IL1RAPL2: variants seen among roughly 807,000 people sequenced by gnomAD.
IL1RAPL2 encodes interleukin 1 receptor accessory protein like 2.
A neutral mutation model predicts 44.1 loss-of-function variants in IL1RAPL2; 3 were observed. That is an observed-to-expected ratio of 0.07 (90% confidence interval 0.03 to 0.18). The LOEUF is 0.18. Among genes scored for constraint, IL1RAPL2 ranks in the 10% least tolerant of loss-of-function variants. The pLI is 1.00. For missense variants in IL1RAPL2, 391 were observed against 496.4 expected, an observed-to-expected ratio of 0.79 and a Z score of 2.02; for synonymous variants, 181 against 178.8, an observed-to-expected ratio of 1.01 and a Z score of -0.10.
intron 2 of IL1RAPL2, among the ~76,000 whole-genome samples, chrX:104,668,432 C>T (rs1009475587): frequency 3.9e-5 from 4 of 103,168 alleles, no homozygotes; most frequent in South Asian, 9.4e-4. Flanking sequence ...CCCATTAACT[C>T]GTCATTTAGC....
chrX:105,684,475 G>A (rs967417450), intron 6 of IL1RAPL2, among the ~76,000 whole-genome samples: 1 of 112,455 alleles, frequency 8.9e-6, no homozygotes, highest in African/African-American at 3.2e-5. Flanking sequence ...AGCCTGGCTC[G>A]GGGAGGGGCG....
intron 1 of IL1RAPL2, among the ~76,000 whole-genome samples, chrX:104,655,781 G>A (rs971137332): frequency 1.1e-4 from 12 of 111,547 alleles, no homozygotes; most frequent in East Asian, 2.8e-4. Context: ...GGTAGAATTT[G>A]GCTGTGAATC....
intron 1 of IL1RAPL2, among the ~76,000 whole-genome samples, chrX:104,598,194 G>A (rs1928805818): frequency 8.9e-6 from 1 of 111,990 alleles, no homozygotes; most frequent in Admixed American, 9.5e-5. Flanking sequence ...TCTTATGTCT[G>A]GAGTTTAGAC....
chrX:105,009,762 T>A (rs924406722), intron 2 of IL1RAPL2, among the ~76,000 whole-genome samples: 4 of 109,608 alleles, frequency 3.6e-5, no homozygotes, highest in East Asian at 2.9e-4. Context: ...TAATAAAATT[T>A]AAAAAAAAGA....
In IL1RAPL2 at chrX:105,302,301, C is replaced by T. The variant is rs187177154; in HGVS notation, c.697+34760C>T. Among the ~76,000 whole-genome samples, 504 of 111,722 alleles carry T rather than the reference C, an allele frequency of 4.5e-3. 4 individuals carry two copies. The highest frequency in any genetic ancestry group is 0.015 in the African/African-American group (476 of 30,759). Reference sequence around the variant, plus strand: ...ATGGATGGTTTGCAAATATCTTCTCCGATTCTGTGGGCTAGCTTTTCAGTT... The same window carrying T: ...ATGGATGGTTTGCAAATATCTTCTCTGATTCTGTGGGCTAGCTTTTCAGTT... On this transcript the variant is annotated intron_variant, in intron 5 of 10. Transcript: ENST00000372582.
chrX:105,219,927 G>A (rs1241821445), intron 3 of IL1RAPL2: 5 of 1,157,665 alleles, frequency 4.3e-6, no homozygotes, highest in Non-Finnish European at 5.8e-6. Flanking sequence ...GGGACCAGTT[G>A]AGGGATCTTA....
rs753787170 is a variant in IL1RAPL2 at position 105,039,828 on chromosome X, AG to A, written c.83-155644del. Among the ~76,000 whole-genome samples, 6 of 111,619 alleles carry A rather than the reference AG, an allele frequency of 5.4e-5. No homozygotes were observed. In the East Asian group the frequency reaches 1.7e-3, roughly 32 times the overall value. ...ATATACAATCATGTCATCTGCAAAC[AG>A]GGACAATTTGACTTCCTTTTTTCCT... is the stretch of plus-strand genomic sequence containing the variant. On this transcript the variant is annotated intron_variant, in intron 2 of 10. Transcript: ENST00000372582.
chrX:104,809,732 G>A (rs1413145498), intron 2 of IL1RAPL2, among the ~76,000 whole-genome samples: 15 of 110,394 alleles, frequency 1.4e-4, no homozygotes, highest in Admixed American at 4.8e-4. Context: ...CTTTAGTTTA[G>A]TTAGATCCCA....
chrX:105,318,544 G>T (rs1296870952), intron 5 of IL1RAPL2, among the ~76,000 whole-genome samples: 1 of 111,429 alleles, frequency 9.0e-6, no homozygotes, highest in East Asian at 2.8e-4. Context: ...AGGAGCATGG[G>T]TTATTCCAAA....
chrX:105,447,670 T>A (rs1442533253), intron 5 of IL1RAPL2, among the ~76,000 whole-genome samples: 74 of 80,530 alleles, frequency 9.2e-4, no homozygotes, highest in Non-Finnish European at 1.5e-3. Context: ...AATATAAATA[T>A]ATATAAATAT....
At chrX:105,709,312 A>G (rs1371969672) in intron 6 of IL1RAPL2, among the ~76,000 whole-genome samples, 3 of 111,871 alleles carry the variant, frequency 2.7e-5, no homozygotes, top group African/African-American at 9.7e-5. Flanking sequence ...CAGGCACAGA[A>G]AGCAAGCTGA....
chrX:105,759,447 C>A (rs923659083), intron 10 of IL1RAPL2, among the ~76,000 whole-genome samples: 1 of 111,876 alleles, frequency 8.9e-6, no homozygotes, highest in Non-Finnish European at 1.9e-5. Flanking sequence ...CTATGAGGAT[C>A]CCTATGTGAG....
intron 2 of IL1RAPL2, among the ~76,000 whole-genome samples, chrX:105,058,935 G>A (rs1355338783): frequency 9.0e-6 from 1 of 111,323 alleles, no homozygotes; most frequent in Non-Finnish European, 1.9e-5. Context: ...CATGAGGGTT[G>A]GGGCAGTGAC....
At chrX:104,826,246 A>G (rs1315229993) in intron 2 of IL1RAPL2, among the ~76,000 whole-genome samples, 1 of 111,854 alleles carries the variant, frequency 8.9e-6, no homozygotes, top group Non-Finnish European at 1.9e-5. Flanking sequence ...TCCTGTAGGA[A>G]TTTAGTGCTA....
intron 6 of IL1RAPL2, among the ~76,000 whole-genome samples, chrX:105,679,470 A>G (rs755465739): frequency 8.9e-6 from 1 of 112,331 alleles, no homozygotes; most frequent in Non-Finnish European, 1.9e-5. Context: ...GTTCAAAATA[A>G]AAGTCAAAAG....
intron 3 of IL1RAPL2, among the ~76,000 whole-genome samples, chrX:105,228,032 C>T (rs1463329361): frequency 2.7e-5 from 3 of 111,327 alleles, no homozygotes; most frequent in Non-Finnish European, 5.7e-5. Context: ...TTTGTTTATT[C>T]ATTTGTTTTC....
intron 2 of IL1RAPL2, among the ~76,000 whole-genome samples, chrX:105,106,464 T>C (rs1232527779): frequency 9.0e-6 from 1 of 111,015 alleles, no homozygotes; most frequent in Non-Finnish European, 1.9e-5. Flanking sequence ...ATATATTATA[T>C]ATGATATTAT....
At chrX:104,808,584 G>A (rs1310168437) in intron 2 of IL1RAPL2, among the ~76,000 whole-genome samples, 1 of 111,556 alleles carries the variant, frequency 9.0e-6, no homozygotes, top group Non-Finnish European at 1.9e-5. Context: ...AGCCAAGTTA[G>A]CAAGCCAAGT....
At chrX:104,735,303 G>A (rs375005140) in intron 2 of IL1RAPL2, among the ~76,000 whole-genome samples, 6 of 111,432 alleles carry the variant, frequency 5.4e-5, no homozygotes, top group African/African-American at 1.3e-4. Flanking sequence ...AAGCAAATAG[G>A]TGATAAAAAT....
Sources: allele counts gnomAD v4.1 joint callset (sites outside exome capture counted in the v4.1 genomes callset), GRCh38; gene constraint gnomAD v4.1.1; transcripts MANE v1.5; gene names NCBI Gene and HGNC (gene_info 2026-07-23, HGNC 2026-07-21).